The following WDPCP variants were observed in gnomAD, a reference collection of about 807,000 sequenced individuals.
The protein encoded by WDPCP is WD repeat containing planar cell polarity effector, also known as WD repeat-containing and planar cell polarity effector protein fritz homolog.
In WDPCP, 71 loss-of-function variants were observed where a neutral mutation model predicts 93.1. That is an observed-to-expected ratio of 0.76 (90% CI 0.63 to 0.93). The LOEUF (loss-of-function observed/expected upper bound fraction) is 0.93. Ranked by LOEUF, WDPCP falls within the 40% of genes least tolerant of loss-of-function variation. The pLI is 0.00. For missense variants in WDPCP, 844 were observed against 887.4 expected (o/e 0.95, Z 0.62); for synonymous variants, 315 against 315.0 (o/e 1.00, Z 0.00).
chr2:63,690,367 C>T (rs1304098614), intron 2 of WDPCP, among the ~76,000 whole-genome samples: 2 of 152,268 alleles, frequency 1.3e-5, no homozygotes, highest in Non-Finnish European at 2.9e-5. Context: ...TATTTAATCC[C>T]TATTTAATTC....
intron 1 of WDPCP, among the ~76,000 whole-genome samples, chr2:63,549,106 G>A (rs1393204526): frequency 1.3e-5 from 2 of 151,828 alleles, no homozygotes; most frequent in African/African-American, 4.8e-5. Context: ...AAAATCAGCT[G>A]GGCATGGTGG....
intron 9 of WDPCP, among the ~76,000 whole-genome samples, chr2:63,426,490 A>C (rs1288135241): frequency 6.6e-6 from 1 of 152,246 alleles, no homozygotes; most frequent in African/African-American, 2.4e-5. Context: ...CTTTTCAAAC[A>C]AGTAATGCTA....
chr2:63,465,754 C>T (rs1030378306), intron 6 of WDPCP, among the ~76,000 whole-genome samples: 4 of 152,166 alleles, frequency 2.6e-5, no homozygotes, highest in Non-Finnish European at 5.9e-5. Context: ...GACATCCTCA[C>T]CCTAATTCCT....
At chr2:63,634,517 T>G (rs1436371577) in intron 3 of WDPCP, among the ~76,000 whole-genome samples, 5 of 152,228 alleles carry the variant, frequency 3.3e-5, no homozygotes, top group Non-Finnish European at 7.3e-5. Flanking sequence ...TTAGATCAAA[T>G]GTACCTAACA....
chr2:63,505,016 A>G (rs1207829795), intron 1 of WDPCP, among the ~76,000 whole-genome samples: 1 of 152,052 alleles, frequency 6.6e-6, no homozygotes, highest in East Asian at 1.9e-4. Context: ...ACATCACAGA[A>G]GCTTTATTTC....
intron 1 of WDPCP, among the ~76,000 whole-genome samples, chr2:63,530,773 G>A (rs1010990350): frequency 8.5e-5 from 13 of 152,338 alleles, no homozygotes; most frequent in Middle Eastern, 6.8e-3. Flanking sequence ...CTCCCAGCAT[G>A]AGCGACACAG....
rs1271075058 is a variant in WDPCP, at chr2:63,571,408, T to C, written c.75+16789A>G. The C allele has an allele frequency of 8.6e-6, 4 of 464,848 alleles. No homozygotes were observed. In the East Asian group the frequency reaches 2.8e-4, roughly 32 times the overall value. 28.8% of individuals were successfully genotyped at this position (464,848 alleles called of 1,614,324 possible). ...GAGTTCTCCATTCCTCAGATCCAAG[T>C]TTCCATCTGGTATCATTTCCTTTCA... On this transcript the variant is annotated intron_variant, in intron 1 of 17. Coordinates refer to ENST00000272321, the MANE Select transcript of WDPCP (RefSeq NM_015910.7).
chr2:63,338,737 T>C (rs1033630312), intron 12 of WDPCP, among the ~76,000 whole-genome samples: 3 of 151,326 alleles, frequency 2.0e-5, no homozygotes, highest in African/African-American at 7.3e-5. Flanking sequence ...CATTGGTTTA[T>C]GTGTCTGTTT....
intron 3 of WDPCP, chr2:63,594,413 A>C: frequency 9.2e-7 from 1 of 1,082,572 alleles, no homozygotes; most frequent in Non-Finnish European, 1.4e-6. Flanking sequence ...TGGATTTCTT[A>C]CTATAGATTA....
At chr2:63,153,443 A>T (rs1225213980) in intron 16 of WDPCP, 52 bp downstream of exon 16, 5 of 1,406,112 alleles carry the variant, frequency 3.6e-6, no homozygotes, top group Non-Finnish European at 5.0e-6. Context: ...GCAAGCTATA[A>T]CATAGTTTTT....
At chr2:63,820,467 C>T (rs1326309293) in intron 1 of WDPCP, among the ~76,000 whole-genome samples, 2 of 152,104 alleles carry the variant, frequency 1.3e-5, no homozygotes, top group Non-Finnish European at 2.9e-5. Context: ...AGCTGGCTGG[C>T]TCACAGAGAC....
chr2:63,825,735 G>A (rs966196691), intron 1 of WDPCP, among the ~76,000 whole-genome samples: 1 of 152,012 alleles, frequency 6.6e-6, no homozygotes, highest in African/African-American at 2.4e-5. Flanking sequence ...AGAGAATTGT[G>A]CACTGACACT....
rs558832607 is a variant in WDPCP, at chr2:63,802,615, T to C, written n.308+11007A>G. The stretch of plus-strand genomic sequence containing the variant: ...TTAAAGGAACATTTCCTACAGATGA[T>C]GATTTTTTTAATTGCATAGAATTCA... On this transcript the variant is annotated intron_variant and non_coding_transcript_variant, in intron 2 of 4. Transcript: ENST00000467687. 9.2e-5 allele frequency among the ~76,000 whole-genome samples: 14 copies of C among 152,304 alleles called. No homozygotes were observed. In the East Asian group the frequency reaches 1.3e-3, roughly 15 times the overall value.
At chr2:63,339,810 A>G (rs1052352169) in intron 12 of WDPCP, among the ~76,000 whole-genome samples, 26 of 152,082 alleles carry the variant, frequency 1.7e-4, no homozygotes, top group Admixed American at 1.7e-3. Flanking sequence ...CCCATTCAGT[A>G]TGATTTTAGC....
At chr2:63,334,394 G>A (rs1434760755) in intron 12 of WDPCP, among the ~76,000 whole-genome samples, 1 of 152,142 alleles carries the variant, frequency 6.6e-6, no homozygotes, top group Middle Eastern at 3.2e-3. Context: ...GGAGACATGT[G>A]ACATCAATCA....
At chr2:63,589,954 G>A (rs1246086906), upstream of WDPCP, 1 of 154,612 alleles carries the variant, frequency 6.5e-6, no homozygotes. Flanking sequence ...TACTAAAACG[G>A]CTGGAGAATG....
rs201728565 is a variant in WDPCP at position 63,313,338 on chromosome 2, T to G, written c.1749-27A>C. The G allele has an allele frequency of 9.4e-6, 15 of 1,599,004 alleles. No individual in the cohort carries two copies. In the East Asian group the frequency reaches 1.6e-4, roughly 17 times the overall value. ...TACAAGGCAGAAAAAAATATTATGT[T>G]AGTTGTGAACAAGAATATATAAAAG... On this transcript the variant is annotated intron_variant, in intron 12 of 17. Transcript: ENST00000272321.
At chr2:63,624,700 C>A (rs753139111) in intron 3 of WDPCP, among the ~76,000 whole-genome samples, 7 of 152,056 alleles carry the variant, frequency 4.6e-5, no homozygotes, top group Non-Finnish European at 7.4e-5. Context: ...AGCTTACCAA[C>A]CAAAAAAAGC....
intron 10 of WDPCP, among the ~76,000 whole-genome samples, chr2:63,401,556 T>G (rs1361508617): frequency 6.6e-6 from 1 of 152,042 alleles, no homozygotes; most frequent in Non-Finnish European, 1.5e-5. Flanking sequence ...GGCAGATCAC[T>G]TCAGGTCAGG....
Sources: gnomAD v4.1 joint callset for allele counts (sites outside exome capture counted in the v4.1 genomes callset) on GRCh38, gnomAD v4.1.1 for gene constraint, MANE v1.5 for transcripts, NCBI Gene and HGNC (gene_info 2026-07-23, HGNC 2026-07-21) for gene names.